The following SNTG1 variants were observed in gnomAD, a reference collection of about 807,000 sequenced individuals.
SNTG1 encodes the protein gamma-1-syntrophin.
SNTG1 carries 39 observed loss-of-function variants against 74.7 expected under a neutral mutation model. The ratio of observed to expected loss-of-function variants is 0.52; its 90% CI spans 0.40 to 0.68. The LOEUF is 0.68. Ranked by LOEUF, SNTG1 falls within the 30% of genes least tolerant of loss-of-function variation. The pLI, the probability that SNTG1 is intolerant of heterozygous loss-of-function variation, is 0.00. For missense variants in SNTG1, 685 were observed against 609.5 expected (o/e 1.12, Z -1.30); for synonymous variants, 254 against 217.1 (o/e 1.17, Z -1.49).
intron 12 of SNTG1, among the ~76,000 whole-genome samples, chr8:50,572,881 T>C (rs1389897373): frequency 6.6e-6 from 1 of 152,142 alleles, no homozygotes; most frequent in African/African-American, 2.4e-5. Context: ...GTTTCTAGCT[T>C]TTTGGTTAAA....
chr8:50,721,328 T>A (rs2095487111), intron 17 of SNTG1, among the ~76,000 whole-genome samples: 1 of 152,236 alleles, frequency 6.6e-6, no homozygotes, highest in African/African-American at 2.4e-5. Flanking sequence ...TCCTCTTCCC[T>A]TCCCACTGAC....
intron 1 of SNTG1, among the ~76,000 whole-genome samples, chr8:49,967,949 A>G (rs1422533031): frequency 2.0e-5 from 3 of 152,168 alleles, no homozygotes; most frequent in Non-Finnish European, 4.4e-5. Context: ...TTCTACACAG[A>G]TACAAGAGCG....
chr8:50,780,632 T>C (rs1480093161), intron 18 of SNTG1, among the ~76,000 whole-genome samples: 3 of 152,216 alleles, frequency 2.0e-5, no homozygotes, highest in Admixed American at 1.3e-4. Flanking sequence ...CTATCAACTT[T>C]GTTGATCTTT....
chr8:49,909,814 G>A, upstream of SNTG1: 1 of 152,352 alleles, frequency 6.6e-6, no homozygotes, highest in East Asian at 1.9e-4. Context: ...CTCGCGAGCC[G>A]CGGTGGCGGC....
chr8:50,068,505 G>C (rs914599966), intron 1 of SNTG1, among the ~76,000 whole-genome samples: 2 of 152,140 alleles, frequency 1.3e-5, no homozygotes, highest in Non-Finnish European at 2.9e-5. Context: ...TGCGCTGCGG[G>C]AGGTAAAGCT....
intron 15 of SNTG1, among the ~76,000 whole-genome samples, chr8:50,660,297 G>GAGAA (rs933027357): frequency 6.9e-6 from 1 of 144,508 alleles, no homozygotes; most frequent in African/African-American, 2.7e-5. Context: ...AAGAAAGAAA[G>GAGAA]AGAAAGAAAG....
At chr8:50,189,635 C>T (rs955167509) in intron 2 of SNTG1, among the ~76,000 whole-genome samples, 1 of 152,256 alleles carries the variant, frequency 6.6e-6, no homozygotes, top group Middle Eastern at 3.4e-3. Context: ...TAACAACATT[C>T]AAACTCCAGG....
chr8:50,443,150 T>C (rs1444047124), intron 5 of SNTG1, among the ~76,000 whole-genome samples: 1 of 152,234 alleles, frequency 6.6e-6, no homozygotes, highest in Non-Finnish European at 1.5e-5. Flanking sequence ...GGGATTACCA[T>C]AGGGATAGTC....
chr8:50,488,237 T>A (rs1458472757), intron 8 of SNTG1, among the ~76,000 whole-genome samples: 1 of 152,162 alleles, frequency 6.6e-6, no homozygotes, highest in Non-Finnish European at 1.5e-5. Context: ...TTTAAGAAAT[T>A]CTGCAAGATT....
chr8:50,210,608 A>G (rs1298327903), intron 2 of SNTG1, among the ~76,000 whole-genome samples: 6 of 152,316 alleles, frequency 3.9e-5, no homozygotes, highest in Admixed American at 2.0e-4. Context: ...TCAACCCAGA[A>G]TTTCATATCC....
At chr8:50,107,065 A>G (rs1054582820) in intron 1 of SNTG1, among the ~76,000 whole-genome samples, 3 of 152,174 alleles carry the variant, frequency 2.0e-5, no homozygotes, top group Non-Finnish European at 4.4e-5. Context: ...GACAATTAAG[A>G]GACTTTCCAG....
At chr8:50,464,354 A>G (rs78402911) in intron 8 of SNTG1, among the ~76,000 whole-genome samples, 3,504 of 152,208 alleles carry the variant, frequency 0.023, 126 homozygotes, top group African/African-American at 0.077. Flanking sequence ...ACTAAGTTTA[A>G]TAAGTTCTAA....
At chr8:50,369,169 C>A (rs2092204746) in intron 2 of SNTG1, among the ~76,000 whole-genome samples, 1 of 152,134 alleles carries the variant, frequency 6.6e-6, no homozygotes, top group Non-Finnish European at 1.5e-5. Context: ...ACTGTGATGT[C>A]CTTCCAAAAT....
At chr8:50,562,855 T>C (rs1299971426) in intron 12 of SNTG1, among the ~76,000 whole-genome samples, 1 of 152,162 alleles carries the variant, frequency 6.6e-6, no homozygotes, top group Non-Finnish European at 1.5e-5. Flanking sequence ...CAGCCTATAG[T>C]AATACCACTA....
At chr8:50,652,013 G>C (rs2095150041) in intron 13 of SNTG1, among the ~76,000 whole-genome samples, 1 of 152,080 alleles carries the variant, frequency 6.6e-6, no homozygotes, top group Non-Finnish European at 1.5e-5. Context: ...GCCTCCCAAA[G>C]TGCTGGGATT....
chr8:50,254,703 G>T (rs1026504046), intron 2 of SNTG1, among the ~76,000 whole-genome samples: 5 of 151,904 alleles, frequency 3.3e-5, no homozygotes, highest in Non-Finnish European at 5.9e-5. Flanking sequence ...AAAATTAGCC[G>T]GGCGTGGTGA....
intron 13 of SNTG1, among the ~76,000 whole-genome samples, chr8:50,654,283 C>G (rs957794272): frequency 1.6e-4 from 25 of 152,004 alleles, no homozygotes; most frequent in African/African-American, 6.0e-4. Context: ...AAACTTTTGT[C>G]TCTCCAATCA....
At chr8:50,378,481 A>T (rs1475586109) in intron 2 of SNTG1, among the ~76,000 whole-genome samples, 1 of 152,118 alleles carries the variant, frequency 6.6e-6, no homozygotes, top group Non-Finnish European at 1.5e-5. Context: ...CTGCCAGTTG[A>T]TAGATCCTGA....
At chr8:50,435,479 G>A (rs1190793254) in intron 4 of SNTG1, among the ~76,000 whole-genome samples, 6 of 151,946 alleles carry the variant, frequency 3.9e-5, no homozygotes, top group Non-Finnish European at 5.9e-5. Flanking sequence ...TTTTTATTAC[G>A]TCTATTTTGG....
Sources: allele counts gnomAD v4.1 joint callset (sites outside exome capture counted in the v4.1 genomes callset), GRCh38; gene constraint gnomAD v4.1.1; transcripts MANE v1.5; gene names NCBI Gene and HGNC (gene_info 2026-07-23, HGNC 2026-07-21).